LPCAT2: variants seen among roughly 807,000 people sequenced by gnomAD.
The protein encoded by LPCAT2 is lysophosphatidylcholine acyltransferase 2, also known as 1-AGP acyltransferase 11.
A neutral mutation model predicts 64.7 loss-of-function variants in LPCAT2; 58 were observed. The ratio of observed to expected loss-of-function variants is 0.90; its 90% CI spans 0.73 to 1.12. The LOEUF (loss-of-function observed/expected upper bound fraction) is 1.12. Ranked by LOEUF, LPCAT2 falls within the 50% of genes most tolerant of loss-of-function variation. The pLI is 0.00. For missense variants in LPCAT2, 579 were observed against 669.8 expected (o/e 0.86, Z 1.50); for synonymous variants, 252 against 245.3 (o/e 1.03, Z -0.26).
intron 11 of LPCAT2, among the ~76,000 whole-genome samples, chr16:55,552,489 T>C (rs557385696): frequency 2.2e-4 from 33 of 152,300 alleles, no homozygotes; most frequent in Admixed American, 1.8e-3. Flanking sequence ...GAACCCTTTG[T>C]TTTATCTTAT....
chr16:55,582,116 C>G (rs1218137388), intron 13 of LPCAT2, among the ~76,000 whole-genome samples: 1 of 151,962 alleles, frequency 6.6e-6, no homozygotes, highest in African/African-American at 2.4e-5. Context: ...CTAGAAAGAA[C>G]AAAAATACAG....
chr16:55,551,025 G>A lies in LPCAT2; in HGVS notation c.1138G>A (p.Gly380Arg), dbSNP rs766516382. The change falls in exon 11 of 14, where the codon GGA (glycine) becomes AGA (arginine). Residue 380 changes from glycine (G) to arginine (R), a missense_variant. By Grantham distance (125) the Gly-to-Arg change is moderately radical. Transcript: ENST00000262134. ...GAGTTCCTCAAAAGGAGGAAGAATT[G>A]GAATTGAAGAATTCGCCAAGTATTT... ...IASSSKGGRIGIEEFAKYLKL... is the reference protein window; with the variant it reads ...IASSSKGGRIRIEEFAKYLKL... 3.1e-6 allele frequency: 5 copies of A among 1,613,054 alleles called. No homozygotes were observed. Among genetic ancestry groups the A allele is most frequent in the Non-Finnish European group, 4.2e-6 (5 of 1,179,324 alleles).
Position 55,532,093 on chromosome 16 carries a change from A to G in LPCAT2, c.703+119A>G. On this transcript the variant is annotated intron_variant, in intron 5 of 13. Coordinates refer to ENST00000262134, the MANE Select transcript of LPCAT2 (RefSeq NM_017839.5). ...TCTGAGCATTTTTTTCTTTTCTGAT[A>G]GCAACTTTTTAACGTTGTGGATCCA... 4 of 685,600 alleles carry G rather than the reference A, an allele frequency of 5.8e-6. 1 individual carries two copies. Among genetic ancestry groups the G allele is most frequent in the South Asian group, 1.7e-5 (1 of 59,250 alleles). The allele number at this position is 685,600 out of a possible 1,614,324, so 42.5% of individuals were successfully genotyped here. A position where few individuals can be genotyped will look rare whatever the true frequency, so the allele number is the denominator to read the frequency against.
chr16:55,533,340 G>A (rs913084994), intron 6 of LPCAT2, among the ~76,000 whole-genome samples: 16 of 150,890 alleles, frequency 1.1e-4, no homozygotes, highest in African/African-American at 3.9e-4. Context: ...GTGAGCCTTG[G>A]TAGTAAGTAA....
At chr16:55,534,291 C>A in intron 6 of LPCAT2, 152 bp from the exon 7 acceptor site, 1 of 559,660 alleles carries the variant, frequency 1.8e-6, no homozygotes, top group East Asian at 3.4e-5. Context: ...GATCAGTTCA[C>A]TGTTCTTTAA....
At chr16:55,580,100 TC>T (rs1963872702) in intron 13 of LPCAT2, among the ~76,000 whole-genome samples, 1 of 152,200 alleles carries the variant, frequency 6.6e-6, no homozygotes, top group African/African-American at 2.4e-5. Flanking sequence ...GGATGGAGAC[TC>T]CTCTTTAATT....
At chr16:55,555,336 T>G (rs1963562502) in intron 11 of LPCAT2, among the ~76,000 whole-genome samples, 2 of 152,232 alleles carry the variant, frequency 1.3e-5, no homozygotes, top group African/African-American at 2.4e-5. Context: ...GCCTTACTAG[T>G]TGTTCTTCAA....
intron 1 of LPCAT2, among the ~76,000 whole-genome samples, chr16:55,524,714 G>A (rs536004532): frequency 1.3e-5 from 2 of 152,098 alleles, no homozygotes; most frequent in African/African-American, 4.8e-5. Context: ...TCATACATAA[G>A]CACAGTCTAT....
intron 1 of LPCAT2, among the ~76,000 whole-genome samples, chr16:55,518,534 G>A (rs981379967): frequency 1.3e-5 from 2 of 152,114 alleles, no homozygotes; most frequent in African/African-American, 4.8e-5. Context: ...AAAACGTACT[G>A]TGAAGCTACA....
At chr16:55,573,768 A>C (rs1963796299) in intron 11 of LPCAT2, among the ~76,000 whole-genome samples, 1 of 146,518 alleles carries the variant, frequency 6.8e-6, no homozygotes, top group African/African-American at 2.5e-5. Context: ...CTTCTCCTCT[A>C]CTCCCTCTTT....
intron 1 of LPCAT2, among the ~76,000 whole-genome samples, chr16:55,517,632 G>C (rs1963031978): frequency 6.6e-6 from 1 of 151,924 alleles, no homozygotes; most frequent in African/African-American, 2.4e-5. Flanking sequence ...CTAATAAAAG[G>C]AATTATACCA....
chr16:55,515,573 G>A (rs1392601607), intron 1 of LPCAT2, among the ~76,000 whole-genome samples: 1 of 152,124 alleles, frequency 6.6e-6, no homozygotes, highest in African/African-American at 2.4e-5. Flanking sequence ...TAGACATAAA[G>A]GACAGTACAA....
At chr16:55,579,598 C>A (rs1201126699) in intron 13 of LPCAT2, among the ~76,000 whole-genome samples, 1 of 152,036 alleles carries the variant, frequency 6.6e-6, no homozygotes, top group Non-Finnish European at 1.5e-5. Flanking sequence ...ATTCAAAAAC[C>A]AAAACAGTTT....
chr16:55,566,409 T>C (rs1423688695), intron 11 of LPCAT2, among the ~76,000 whole-genome samples: 1 of 152,212 alleles, frequency 6.6e-6, no homozygotes, highest in African/African-American at 2.4e-5. Context: ...GCACATCATT[T>C]TTTAGGTGCT....
rs377092992 is a variant in LPCAT2, at chr16:55,516,188, T to C, written c.171+6836T>C. Among the ~76,000 whole-genome samples, 18 of 152,312 alleles carry C rather than the reference T, an allele frequency of 1.2e-4. 1 individual carries two copies. In the East Asian group the frequency reaches 3.1e-3, roughly 26 times the overall value. On this transcript the variant is annotated intron_variant, in intron 1 of 13. Transcript: ENST00000262134. ...GGTGTAATCACAGCTCACTCTAGCC[T>C]TGACCTCCTGGGCTCAAGTGTTCCT...
chr16:55,555,053 A>T (rs1963559151), intron 11 of LPCAT2, among the ~76,000 whole-genome samples: 1 of 152,244 alleles, frequency 6.6e-6, no homozygotes, highest in Admixed American at 6.5e-5. Flanking sequence ...ATATAATAAT[A>T]ATAAAATTTT....
At chr16:55,536,278 A>G (rs578219022) in intron 7 of LPCAT2, among the ~76,000 whole-genome samples, 73 of 152,360 alleles carry the variant, frequency 4.8e-4, no homozygotes, top group Non-Finnish European at 7.8e-4. Context: ...GAAGTTTTGT[A>G]TCAGACTAAG....
intron 13 of LPCAT2, among the ~76,000 whole-genome samples, chr16:55,581,062 TTAA>T (rs1963883127): frequency 6.6e-6 from 1 of 152,180 alleles, no homozygotes; most frequent in Non-Finnish European, 1.5e-5. Flanking sequence ...ATTATCTAAA[TTAA>T]TGCTCAAATT....
At chr16:55,535,323 C>T (rs899008258) in intron 7 of LPCAT2, among the ~76,000 whole-genome samples, 2 of 152,122 alleles carry the variant, frequency 1.3e-5, no homozygotes, top group Admixed American at 6.6e-5. Flanking sequence ...ATAACTTCAA[C>T]GTAATCCAAC....
Sources: gnomAD v4.1 joint callset for allele counts (sites outside exome capture counted in the v4.1 genomes callset) on GRCh38, gnomAD v4.1.1 for gene constraint, MANE v1.5 for transcripts, NCBI Gene and HGNC (gene_info 2026-07-23, HGNC 2026-07-21) for gene names.